Variants in FSD1L observed in about 807,000 individuals in gnomAD.
FSD1L encodes FSD1-like protein.
A neutral mutation model predicts 71.6 loss-of-function variants in FSD1L; 45 were observed. That is an observed-to-expected ratio of 0.63 (90% confidence interval 0.49 to 0.81). The LOEUF (loss-of-function observed/expected upper bound fraction) is 0.81, where lower values mean the gene tolerates loss of function less well. Among genes scored for constraint, FSD1L ranks in the 30% least tolerant of loss-of-function variants. FSD1L has a pLI of 0.00. For synonymous variants in FSD1L, 197 were observed against 207.2 expected (o/e 0.95, Z 0.42); for missense variants, 561 against 618.1 (o/e 0.91, Z 0.98).
chr9:105,520,248 C>A, intron 10 of FSD1L: 1 of 1,606,520 alleles, frequency 6.2e-7, no homozygotes, highest in Non-Finnish European at 8.5e-7. Flanking sequence ...AATGGTGGAA[C>A]TGGCTGAAGA....
At chr9:105,500,621 G>A (rs973929545) in intron 7 of FSD1L, 2 of 152,162 alleles carry the variant, frequency 1.3e-5, no homozygotes, top group African/African-American at 4.8e-5. Context: ...TGCTGTGGAA[G>A]CATAAGGGGA....
rs533081655 is a variant in FSD1L at position 105,540,386 on chromosome 9, C to T, written c.1467+1035C>T. ...TTCTTCACTCTGGCTTTCCTTTTTCCTTATTGGTATTGTTTGATAAACAAA... is the reference window on the plus strand; with the variant it reads ...TTCTTCACTCTGGCTTTCCTTTTTCTTTATTGGTATTGTTTGATAAACAAA... On this transcript the variant is annotated intron_variant, in intron 13 of 13. Transcript: ENST00000481272. 2.0e-5 allele frequency among the ~76,000 whole-genome samples: 3 copies of T among 151,972 alleles called. No individual in the cohort carries two copies. The South Asian group carries it at 6.2e-4, about 32-fold the overall frequency.
chr9:105,480,346 G>A (rs561211439), intron 6 of FSD1L, among the ~76,000 whole-genome samples: 2 of 149,436 alleles, frequency 1.3e-5, no homozygotes, highest in East Asian at 4.0e-4. Context: ...AGGCTGGAGT[G>A]CAGTGGTGCG....
Position 105,524,959 on chromosome 9 carries a change from C to T in FSD1L, c.1026-9534C>T. ...GTGTTAATAATACAACCTTAGTGTCCTGTATCCAGATCAGATCAGAAGAGA... is the reference window on the plus strand; with the variant it reads ...GTGTTAATAATACAACCTTAGTGTCTTGTATCCAGATCAGATCAGAAGAGA... On this transcript the variant is annotated intron_variant, in intron 10 of 13. Coordinates refer to ENST00000481272, the MANE Select transcript of FSD1L (RefSeq NM_001145313.3). 1.9e-6 allele frequency: 3 copies of T among 1,613,390 alleles called. No homozygotes were observed. In the Admixed American group the frequency reaches 5.0e-5, roughly 27 times the overall value.
intron 4 of FSD1L, 42 bp downstream of exon 4, chr9:105,468,366 ATT>A: frequency 7.0e-7 from 1 of 1,423,544 alleles, no homozygotes; most frequent in Non-Finnish European, 9.2e-7. Context: ...ATTTTAGTCT[ATT>A]TAATCCTTGA....
intron 9 of FSD1L, among the ~76,000 whole-genome samples, chr9:105,512,537 T>C (rs1234076666): frequency 6.6e-6 from 1 of 152,090 alleles, no homozygotes; most frequent in South Asian, 2.1e-4. Flanking sequence ...TTTAGTAGAA[T>C]GAACAGGAGA....
chr9:105,542,948 G>C (rs1836726696), intron 13 of FSD1L, among the ~76,000 whole-genome samples: 1 of 151,988 alleles, frequency 6.6e-6, no homozygotes, highest in African/African-American at 2.4e-5. Flanking sequence ...TTAACTCAAG[G>C]TCACAAAGGT....
At chr9:105,539,146 A>G in intron 12 of FSD1L, 117 bp from the exon 13 acceptor site, 1 of 589,124 alleles carries the variant, frequency 1.7e-6, no homozygotes, top group Non-Finnish European at 2.9e-6. Flanking sequence ...TCCAGTCCTC[A>G]TACAAAAATT....
chr9:105,547,282 C>T lies in FSD1L; in HGVS notation c.*799C>T, dbSNP rs1202204083. The T allele has an allele frequency of 7.1e-6, 1 of 140,468 alleles. No homozygotes were observed. The highest frequency in any genetic ancestry group is 1.6e-5 in the Non-Finnish European group (1 of 62,076). The allele number at this position is 140,468 out of a possible 1,614,324, so 8.7% of individuals were successfully genotyped here. A position where few individuals can be genotyped will look rare whatever the true frequency, so the allele number is the denominator to read the frequency against. ...ATTTTGTTGTCTAGTTTAATCCTAC[C>T]TTTAATAGTTGTGTTTGGTAAAATT... On this transcript the variant is annotated 3_prime_UTR_variant, in exon 14 of 14. Transcript: ENST00000481272.
chr9:105,544,728 G>T (rs1836862827), intron 13 of FSD1L, among the ~76,000 whole-genome samples: 1 of 152,160 alleles, frequency 6.6e-6, no homozygotes, highest in Non-Finnish European at 1.5e-5. Context: ...TCAAAGATCA[G>T]ATGGTTGTTG....
At chr9:105,508,061 G>T (rs1235899261) in intron 8 of FSD1L, among the ~76,000 whole-genome samples, 1 of 151,598 alleles carries the variant, frequency 6.6e-6, no homozygotes, top group Non-Finnish European at 1.5e-5. Flanking sequence ...TAGAGACGGG[G>T]TTTCTCCATG....
intron 1 of FSD1L, among the ~76,000 whole-genome samples, chr9:105,448,919 T>A (rs764599955): frequency 1.3e-5 from 2 of 152,242 alleles, no homozygotes; most frequent in Non-Finnish European, 2.9e-5. Context: ...AAAGGTTATA[T>A]AATCGTAAAG....
Position 105,551,636 on chromosome 9 carries a change from A to T in FSD1L, c.*5153A>T, listed in dbSNP as rs1837267307. 1 of 152,224 alleles carries T rather than the reference A, an allele frequency of 6.6e-6. No homozygotes were observed. Among genetic ancestry groups the T allele is most frequent in the Admixed American group, 6.5e-5 (1 of 15,280 alleles). 9.4% of individuals were successfully genotyped at this position (152,224 alleles called of 1,614,324 possible). On this transcript the variant is annotated 3_prime_UTR_variant, in exon 14 of 14. Transcript: ENST00000481272. ...AGTGATTTCTAACATGATTTTAAAAAAATAAAACCCCAATTAAAATGTTCT... is the reference window on the plus strand; with the variant it reads ...AGTGATTTCTAACATGATTTTAAAATAATAAAACCCCAATTAAAATGTTCT...
At chr9:105,522,632 T>TTGAA in intron 10 of FSD1L, 1 of 1,612,810 alleles carries the variant, frequency 6.2e-7, no homozygotes, top group Non-Finnish European at 8.5e-7. Flanking sequence ...AGCCATTGCC[T>TTGAA]TGAAGTAGCA....
intron 9 of FSD1L, among the ~76,000 whole-genome samples, chr9:105,510,861 A>G (rs1834351370): frequency 6.6e-6 from 1 of 152,188 alleles, no homozygotes; most frequent in Admixed American, 6.5e-5. Flanking sequence ...CAAGTTAAAC[A>G]TATGAAACAT....
rs1463883871 is a variant in FSD1L, at chr9:105,461,574, T to C, written c.70T>C (p.Ser24Pro). The change falls in exon 2 of 14, where the codon TCT (serine) becomes CCT (proline). Residue 24 changes from serine to proline, a missense_variant. Around this residue, in one of 3 missense-constraint regions of FSD1L, gnomAD observed 410 missense variants for 413.5 expected, o/e 0.99. Transcript: ENST00000481272. ...AGTTGATAAAGCCTGTTTTCTGATC[T>C]CTAACATCACTATTGGACCAGAGTC... ...VTVDKACFLI[S>P]NITIGPESIN... 2 of 1,551,790 alleles carry C rather than the reference T, an allele frequency of 1.3e-6. No individual in the cohort carries two copies. Among genetic ancestry groups the C allele is most frequent in the Admixed American group, 2.0e-5 (1 of 50,996 alleles).
At chr9:105,452,649 GCCTGCCTGCCTGCCTGCCTGCCTTCCTT>G (rs1830086189) in intron 1 of FSD1L, among the ~76,000 whole-genome samples, 1 of 129,808 alleles carries the variant, frequency 7.7e-6, no homozygotes, top group Non-Finnish European at 1.7e-5. Context: ...CTGCCTGCCT[GCCTGCCTGCCTGCCTGCCTGCCTTCCTT>G]CCTTCCTTCC....
intron 2 of FSD1L, among the ~76,000 whole-genome samples, chr9:105,463,184 G>C (rs1257560781): frequency 6.6e-6 from 1 of 151,842 alleles, no homozygotes; most frequent in Non-Finnish European, 1.5e-5. Flanking sequence ...CCTTCAGACT[G>C]TTTCCTGGGC....
chr9:105,518,873 G>T (rs1834913623), intron 10 of FSD1L, among the ~76,000 whole-genome samples: 1 of 152,136 alleles, frequency 6.6e-6, no homozygotes, highest in African/African-American at 2.4e-5. Context: ...GAATCCAGGA[G>T]CTGGTTTTTT....
Sources: gnomAD v4.1 joint callset for allele counts (sites outside exome capture counted in the v4.1 genomes callset) on GRCh38, gnomAD v4.1.1 for gene constraint, gnomAD v4.1.1 regional missense constraint, MANE v1.5 for transcripts, NCBI Gene and HGNC (gene_info 2026-07-23, HGNC 2026-07-21) for gene names.